Variants in GPM6A observed in about 807,000 individuals in gnomAD.
GPM6A encodes glycoprotein M6A, also known as neuronal membrane glycoprotein M6-a.
GPM6A carries 7 observed loss-of-function variants against 32.1 expected under a neutral mutation model. That is an observed-to-expected ratio of 0.22 (90% CI 0.12 to 0.41). GPM6A has a LOEUF of 0.41. Among genes scored for constraint, GPM6A ranks in the 10% least tolerant of loss-of-function variants. The pLI is 1.00. For missense variants in GPM6A, 235 were observed against 347.2 expected (o/e 0.68, Z 2.57); for synonymous variants, 130 against 123.4 (o/e 1.05, Z -0.35).
At chr4:175,735,521 A>T (rs1369799287) in intron 1 of GPM6A, among the ~76,000 whole-genome samples, 1 of 152,120 alleles carries the variant, frequency 6.6e-6, no homozygotes, top group African/African-American at 2.4e-5. Context: ...AATACAAATT[A>T]TGAGCCTCTA....
At chr4:175,962,805 A>G (rs1246833341) in intron 1 of GPM6A, among the ~76,000 whole-genome samples, 1 of 152,214 alleles carries the variant, frequency 6.6e-6, no homozygotes, top group Non-Finnish European at 1.5e-5. Flanking sequence ...CTAAAAGATA[A>G]ACAAAATTTA....
At chr4:175,966,785 ATATCT>A (rs1369764917) in intron 1 of GPM6A, among the ~76,000 whole-genome samples, 2 of 152,196 alleles carry the variant, frequency 1.3e-5, no homozygotes, top group Non-Finnish European at 2.9e-5. Context: ...ACTGATTATG[ATATCT>A]TATATCTATA....
rs75101696 is a variant in GPM6A, at chr4:175,650,097, C to T, written c.541+1737G>A. Among the ~76,000 whole-genome samples, 927 of 152,074 alleles carry T rather than the reference C, an allele frequency of 6.1e-3. 8 individuals are homozygous for T. The highest frequency in any genetic ancestry group is 0.021 in the African/African-American group (865 of 41,482). The stretch of plus-strand genomic sequence containing the variant: ...GGGGATTTGATTTTGAGAGTAAAAC[C>T]TCCCCAATGTCCATATTCCCTCTTG... On this transcript the variant is annotated intron_variant, in intron 4 of 6. Transcript: ENST00000393658.
chr4:175,884,087 G>A (rs965342893), intron 1 of GPM6A, among the ~76,000 whole-genome samples: 69 of 151,834 alleles, frequency 4.5e-4, no homozygotes, highest in African/African-American at 1.6e-3. Flanking sequence ...CATGTGTAGA[G>A]CAGCGTGACT....
intron 1 of GPM6A, among the ~76,000 whole-genome samples, chr4:175,777,152 C>T (rs17606966): frequency 0.02 from 3,087 of 152,168 alleles, 57 homozygotes; most frequent in Non-Finnish European, 0.031. Context: ...GTTATGCAAA[C>T]GTACATAGGC....
chr4:175,847,936 C>T (rs1445216763), intron 1 of GPM6A, among the ~76,000 whole-genome samples: 1 of 152,206 alleles, frequency 6.6e-6, no homozygotes, highest in Admixed American at 6.5e-5. Context: ...CTATCATCCA[C>T]TGGAGGGTCT....
At chr4:175,724,863 C>T (rs1746324649) in intron 1 of GPM6A, among the ~76,000 whole-genome samples, 1 of 151,948 alleles carries the variant, frequency 6.6e-6, no homozygotes, top group Admixed American at 6.6e-5. Flanking sequence ...ACTGCTCCGA[C>T]CTCACCTTCT....
chr4:175,933,029 C>G (rs1739101549), intron 1 of GPM6A, among the ~76,000 whole-genome samples: 1 of 151,702 alleles, frequency 6.6e-6, no homozygotes, highest in Non-Finnish European at 1.5e-5. Flanking sequence ...TAAAAAAACA[C>G]CACACAACTA....
chr4:175,837,126 CAA>C (rs1005710318), intron 1 of GPM6A, among the ~76,000 whole-genome samples: 3 of 151,450 alleles, frequency 2.0e-5, no homozygotes, highest in East Asian at 1.9e-4. Context: ...AGAACAAGAG[CAA>C]GAGAGAGAGA....
intron 2 of GPM6A, among the ~76,000 whole-genome samples, chr4:175,681,610 C>G (rs1743692570): frequency 6.6e-6 from 1 of 152,054 alleles, no homozygotes; most frequent in Non-Finnish European, 1.5e-5. Flanking sequence ...ACATATCCCT[C>G]CTGGCTCGGT....
intron 1 of GPM6A, among the ~76,000 whole-genome samples, chr4:175,931,492 G>A (rs1739036486): frequency 2.0e-5 from 3 of 151,850 alleles, no homozygotes; most frequent in African/African-American, 7.3e-5. Context: ...TTTACTATTA[G>A]TTGAATCCAG....
rs189362729 is a variant in GPM6A at position 175,989,111 on chromosome 4, G to A, written c.-23+13198C>T. On this transcript the variant is annotated intron_variant, in intron 1 of 7. Coordinates refer to the GPM6A transcript ENST00000280187. ...GCATCTAAAAATTCATCTGCACATA[G>A]CACCACATATCAATTAAAGAAGGCT... is the stretch of plus-strand genomic sequence containing the variant. Among the ~76,000 whole-genome samples the A allele has an allele frequency of 1.5e-4, 23 of 152,058 alleles. 1 individual carries two copies. In the South Asian group the frequency reaches 3.5e-3, roughly 23 times the overall value.
At chr4:175,982,859 A>T (rs1177214799) in intron 1 of GPM6A, among the ~76,000 whole-genome samples, 1 of 152,174 alleles carries the variant, frequency 6.6e-6, no homozygotes, top group Admixed American at 6.6e-5. Flanking sequence ...CCTCCAATCA[A>T]TTAATGTGGT....
At chr4:175,801,794 G>A (rs1214029321) in intron 1 of GPM6A, among the ~76,000 whole-genome samples, 1 of 152,100 alleles carries the variant, frequency 6.6e-6, no homozygotes, top group East Asian at 1.9e-4. Flanking sequence ...GAGTAGCAGA[G>A]TTAAGGCCAA....
intron 1 of GPM6A, among the ~76,000 whole-genome samples, chr4:175,835,950 T>A (rs1454221314): frequency 6.6e-6 from 1 of 151,822 alleles, no homozygotes; most frequent in African/African-American, 2.4e-5. Context: ...TTTTTGTAGG[T>A]CTGGCCTGGA....
At chr4:175,877,402 G>A (rs1737119257) in intron 1 of GPM6A, among the ~76,000 whole-genome samples, 1 of 152,190 alleles carries the variant, frequency 6.6e-6, no homozygotes, top group Non-Finnish European at 1.5e-5. Context: ...ACCCTGCTAT[G>A]AAGAAATACC....
intron 1 of GPM6A, among the ~76,000 whole-genome samples, chr4:175,982,524 C>T (rs1298423534): frequency 6.6e-6 from 1 of 152,106 alleles, no homozygotes; most frequent in Non-Finnish European, 1.5e-5. Flanking sequence ...CCACTTAATA[C>T]TCTATGTATC....
At chr4:175,771,773 C>T (rs17061995) in intron 1 of GPM6A, among the ~76,000 whole-genome samples, 8,413 of 152,134 alleles carry the variant, frequency 0.055, 783 homozygotes, top group African/African-American at 0.19. Context: ...ATGGAGCGAG[C>T]AAATGATGTG....
chr4:175,718,622 A>T (rs550132624), intron 1 of GPM6A, among the ~76,000 whole-genome samples: 11 of 151,828 alleles, frequency 7.2e-5, no homozygotes, highest in African/African-American at 1.9e-4. Flanking sequence ...TCGAAAAAAA[A>T]ATATAATGAA....
Sources: allele counts gnomAD v4.1 joint callset (sites outside exome capture counted in the v4.1 genomes callset), GRCh38; gene constraint gnomAD v4.1.1; transcripts MANE v1.5; gene names NCBI Gene and HGNC (gene_info 2026-07-23, HGNC 2026-07-21).